HAND1: variants seen among roughly 807,000 people sequenced by gnomAD.
The protein encoded by HAND1 is heart- and neural crest derivatives-expressed protein 1.
A neutral mutation model predicts 14.5 loss-of-function variants in HAND1; 10 were observed. The ratio of observed to expected loss-of-function variants is 0.69; its 90% CI spans 0.42 to 1.17. The LOEUF (loss-of-function observed/expected upper bound fraction) is 1.17, where lower values mean the gene tolerates loss of function less well. Ranked by LOEUF, HAND1 falls within the 50% of genes most tolerant of loss-of-function variation. HAND1 has a pLI of 0.00. For synonymous variants in HAND1, 128 were observed against 127.1 expected (o/e 1.01, Z -0.05); for missense variants, 299 against 298.4 (o/e 1.00, Z -0.01).
At position 154,477,926 on chromosome 5, in the gene HAND1, A is replaced by G; in HGVS notation, c.83T>C (p.Leu28Pro). ...ATGACAGCGCGAGGCCGGACCGAAG[A>G]GGAAGGGTTCGTGGAGCATGGGGTG... ...PAHPMLHEPF[L>P]FGPASRCHQE... The change falls in exon 1 of 2, where the codon CTC becomes CCC. Residue 28 changes from leucine to proline, a missense_variant. Leu to Pro is a moderately conservative substitution (Grantham distance 98). Coordinates refer to ENST00000231121, the MANE Select transcript of HAND1 (RefSeq NM_004821.3). 5.0e-6 allele frequency: 8 copies of G among 1,599,022 alleles called. No individual in the cohort carries two copies. Among genetic ancestry groups the G allele is most frequent in the Non-Finnish European group, 6.8e-6 (8 of 1,179,878 alleles).
In HAND1 at chr5:154,478,052, G is replaced by T. The variant is rs781476191; in HGVS notation, c.-44C>A. ...CTGCGCCGCCAGCCCTATTAACGCC[G>T]CTCCATGCGCCCCAGAGACTGCCGG... On this transcript the variant is annotated 5_prime_UTR_variant, in exon 1 of 2. Transcript: ENST00000231121. This position sits in a 1 kb window ranked among gnomAD's most constrained non-coding sequence, Gnocchi z 4.5. The T allele has an allele frequency of 1.1e-5, 17 of 1,594,736 alleles. No individual in the cohort carries two copies. The highest frequency in any genetic ancestry group is 1.7e-5 in the Admixed American group (1 of 60,002).
At position 154,475,802 on chromosome 5, in the gene HAND1, C is replaced by G. The variant is rs756633155; in HGVS notation, c.*4G>C. The G allele has an allele frequency of 1.2e-6, 2 of 1,606,918 alleles. No homozygotes were observed. Among genetic ancestry groups the G allele is most frequent in the African/African-American group, 1.3e-5 (1 of 74,924 alleles). On this transcript the variant is annotated 3_prime_UTR_variant, in exon 2 of 2. Transcript: ENST00000231121. ...CTGGCCAGGTCCTCGGCGCGGGCCT[C>G]GGCTCACTGGTTTAACTCCAGCGCC...
At chr5:154,477,389 C>T in intron 1 of HAND1, 77 bp downstream of exon 1, 2 of 1,165,068 alleles carry the variant, frequency 1.7e-6, no homozygotes, top group Non-Finnish European at 2.6e-6. Flanking sequence ...ACACAGCCTC[C>T]TTCGACTACC....
rs780723638 is a variant in HAND1 at position 154,475,796 on chromosome 5, G to A, written c.*10C>T. The A allele has an allele frequency of 4.4e-6, 7 of 1,596,276 alleles. No homozygotes were observed. The Middle Eastern group carries it at 8.0e-4, about 182-fold the overall frequency. On this transcript the variant is annotated 3_prime_UTR_variant, in exon 2 of 2. Transcript: ENST00000231121. ...GCTGGCCTGGCCAGGTCCTCGGCGC[G>A]GGCCTCGGCTCACTGGTTTAACTCC...
At position 154,478,013 on chromosome 5, in the gene HAND1, G is replaced by A. The variant is rs753667174; in HGVS notation, c.-5C>T. On this transcript the variant is annotated 5_prime_UTR_variant, in exon 1 of 2. Coordinates refer to ENST00000231121, the MANE Select transcript of HAND1 (RefSeq NM_004821.3). This position sits in a 1 kb window ranked among gnomAD's most constrained non-coding sequence, Gnocchi z 4.5. ...GTAGCTGCCCACGAGGTTCATGTTG[G>A]AGCGGCTACTGGCCTGCGCCGCCAG... 3.8e-6 allele frequency: 6 copies of A among 1,597,344 alleles called. No individual in the cohort carries two copies. In the Admixed American group the frequency reaches 5.0e-5, roughly 13 times the overall value.
rs1757580375 is a variant in HAND1 at position 154,478,155 on chromosome 5, C to T, written c.-147G>A. The T allele has an allele frequency of 1.2e-6, 1 of 816,186 alleles. No individual in the cohort carries two copies. Among genetic ancestry groups the T allele is most frequent in the Admixed American group, 2.3e-5 (1 of 44,390 alleles). The allele number at this position is 816,186 out of a possible 1,614,324, so 50.6% of individuals were successfully genotyped here. ...CGGGCAAGGCTGAAAATGAGACGCG[C>T]AGCCCACTGTCTTCTTACCGGTTTC... On this transcript the variant is annotated 5_prime_UTR_variant, in exon 1 of 2. Coordinates refer to ENST00000231121, the MANE Select transcript of HAND1 (RefSeq NM_004821.3). The surrounding 1 kb of genome is among the most constrained non-coding windows in gnomAD (Gnocchi z 4.5).
rs373277337 is a variant in HAND1 at position 154,475,873 on chromosome 5, A to G, written c.581T>C (p.Val194Ala). Residue 194 changes from valine (V) to alanine (A), a missense_variant, in exon 2 of 2, where the codon GTC becomes GCC. Val to Ala is a moderately conservative substitution (Grantham distance 64). Transcript: ENST00000231121. ...HEGFPPALGPVEKRIKGRTGW... is the reference protein window; with the variant it reads ...HEGFPPALGPAEKRIKGRTGW... ...GGTGCGTCCTTTAATCCTCTTCTCG[A>G]CTGGGCCCAGGGCAGGAGGAAAACC... 6.2e-7 allele frequency: 1 copy of G among 1,613,974 alleles called. No individual in the cohort carries two copies. Among genetic ancestry groups the G allele is most frequent in the African/African-American group, 1.3e-5 (1 of 74,916 alleles).
chr5:154,478,154 G>T lies in HAND1; in HGVS notation c.-146C>A. 1 of 814,332 alleles carries T rather than the reference G, an allele frequency of 1.2e-6. No homozygotes were observed. Among genetic ancestry groups the T allele is most frequent in the Non-Finnish European group, 2.0e-6 (1 of 508,046 alleles). The allele number at this position is 814,332 out of a possible 1,614,324, so 50.4% of individuals were successfully genotyped here. A position where few individuals can be genotyped will look rare whatever the true frequency, so the allele number is the denominator to read the frequency against. Reference sequence around the variant, plus strand: ...CCGGGCAAGGCTGAAAATGAGACGCGCAGCCCACTGTCTTCTTACCGGTTT... The same window carrying T: ...CCGGGCAAGGCTGAAAATGAGACGCTCAGCCCACTGTCTTCTTACCGGTTT... On this transcript the variant is annotated 5_prime_UTR_variant, in exon 1 of 2. Transcript: ENST00000231121. This position sits in a 1 kb window ranked among gnomAD's most constrained non-coding sequence, Gnocchi z 4.5.
At chr5:154,477,300 T>A (rs1348521285) in intron 1 of HAND1, among the ~76,000 whole-genome samples, 166 bp downstream of exon 1, 1 of 152,118 alleles carries the variant, frequency 6.6e-6, no homozygotes, top group East Asian at 1.9e-4. Flanking sequence ...CGAATCTGCC[T>A]CCCTCCATGC....
chr5:154,475,616 T>C lies in HAND1; in HGVS notation c.*190A>G, dbSNP rs1481664714. 1 of 611,028 alleles carries C rather than the reference T, an allele frequency of 1.6e-6. No individual in the cohort carries two copies. The highest frequency in any genetic ancestry group is 1.9e-5 in the African/African-American group (1 of 53,846). The allele number at this position is 611,028 out of a possible 1,614,324, so 37.9% of individuals were successfully genotyped here. On this transcript the variant is annotated 3_prime_UTR_variant, in exon 2 of 2. Coordinates refer to ENST00000231121, the MANE Select transcript of HAND1 (RefSeq NM_004821.3). ...CTTTCTCTTAATGTATTAAAAAAAA[T>C]CAAAGGACATTGCACGTGCGATCCA...
At position 154,477,628 on chromosome 5, in the gene HAND1, G is replaced by T; in HGVS notation, c.381C>A (p.Asp127Glu). Residue 127 changes from aspartate to glutamate, a missense_variant, in exon 1 of 2, where the codon GAC (aspartate) becomes GAA (glutamate). Asp to Glu is a conservative substitution (Grantham distance 45). Coordinates refer to ENST00000231121, the MANE Select transcript of HAND1 (RefSeq NM_004821.3). ...GAGTCTTGATCTTGGAGAGCTTGGTGTCGGCCGGCACGTTGGGGATGCACT... is the reference window on the plus strand; with the variant it reads ...GAGTCTTGATCTTGGAGAGCTTGGTTTCGGCCGGCACGTTGGGGATGCACT... Reference protein sequence around the residue: ...LRECIPNVPADTKLSKIKTLR... With the variant: ...LRECIPNVPAETKLSKIKTLR... 6.2e-7 allele frequency: 1 copy of T among 1,614,270 alleles called. No individual in the cohort carries two copies. The highest frequency in any genetic ancestry group is 8.5e-7 in the Non-Finnish European group (1 of 1,180,044).
chr5:154,478,126 A>G lies in HAND1; in HGVS notation c.-118T>C. 3 of 1,121,186 alleles carry G rather than the reference A, an allele frequency of 2.7e-6. No homozygotes were observed. The highest frequency in any genetic ancestry group is 2.0e-5 in the Admixed American group (1 of 51,016). The allele number at this position is 1,121,186 out of a possible 1,614,324, so 69.5% of individuals were successfully genotyped here. On this transcript the variant is annotated 5_prime_UTR_variant, in exon 1 of 2. Coordinates refer to ENST00000231121, the MANE Select transcript of HAND1 (RefSeq NM_004821.3). This position sits in a 1 kb window ranked among gnomAD's most constrained non-coding sequence, Gnocchi z 4.5. ...CACTACTGGGCGCCGGCTTTGGGAG[A>G]GTCCGGGCAAGGCTGAAAATGAGAC...
At chr5:154,477,395 C>T in intron 1 of HAND1, 71 bp downstream of exon 1, 1 of 1,213,386 alleles carries the variant, frequency 8.2e-7, no homozygotes, top group Non-Finnish European at 1.2e-6. Context: ...CCTCCTTCGA[C>T]TACCTGCATG....
rs1201471420 is a variant in HAND1, at chr5:154,477,529, C to T, written c.480G>A (p.Glu160=). The T allele has an allele frequency of 6.8e-6, 11 of 1,614,086 alleles. No individual in the cohort carries two copies. The highest frequency in any genetic ancestry group is 9.3e-6 in the Non-Finnish European group (11 of 1,180,044). Residue 160 remains glutamate, a synonymous_variant, in exon 1 of 2, where the codon GAG becomes GAA. Coordinates refer to ENST00000231121, the MANE Select transcript of HAND1 (RefSeq NM_004821.3). ...CCTTCTTGAGTTCAGCCTTGAAGGC[C>T]TCGGGATCGCCAGACTGTGCATCCT... ...LAKDAQSGDP[E]AFKAELKKAD...
intron 1 of HAND1, among the ~76,000 whole-genome samples, chr5:154,476,442 C>T (rs1201791860): frequency 2.6e-5 from 4 of 152,166 alleles, no homozygotes; most frequent in Admixed American, 2.0e-4. Context: ...CCAAGCGGTG[C>T]TACTTGAAGG....
Position 154,477,333 on chromosome 5 carries a change from A to G in HAND1, c.543+133T>C, listed in dbSNP as rs1418592628. The G allele has an allele frequency of 4.0e-6, 3 of 746,918 alleles. No homozygotes were observed. In the African/African-American group the frequency reaches 5.2e-5, roughly 13 times the overall value. 46.3% of individuals were successfully genotyped at this position (746,918 alleles called of 1,614,324 possible). ...TGCACAGGATCGCACGCTGTGACCA[A>G]CCATCTCAGAACTCTTCCCAACCTT... On this transcript the variant is annotated intron_variant, in intron 1 of 1. Coordinates refer to ENST00000231121, the MANE Select transcript of HAND1 (RefSeq NM_004821.3).
At chr5:154,476,182 C>G (rs377227398) in intron 1 of HAND1, among the ~76,000 whole-genome samples, 15 of 152,038 alleles carry the variant, frequency 9.9e-5, no homozygotes, top group African/African-American at 3.6e-4. Flanking sequence ...GAAACTGACG[C>G]GCGTTGATTT....
rs1354473345 is a variant in HAND1, at chr5:154,478,005, T to C, written c.4A>G (p.Asn2Asp). The C allele has an allele frequency of 2.3e-5, 37 of 1,597,550 alleles. No homozygotes were observed. The highest frequency in any genetic ancestry group is 3.1e-5 in the Non-Finnish European group (37 of 1,179,854). Residue 2 changes from asparagine to aspartate, a missense_variant, in exon 1 of 2, where the codon AAC becomes GAC. Transcript: ENST00000231121. This position sits in a 1 kb window ranked among gnomAD's most constrained non-coding sequence, Gnocchi z 4.5. Reference protein sequence around the residue: MNLVGSYAHHHH... With the variant: MDLVGSYAHHHH... The stretch of plus-strand genomic sequence containing the variant: ...TGGTGTGCGTAGCTGCCCACGAGGT[T>C]CATGTTGGAGCGGCTACTGGCCTGC...
intron 1 of HAND1, 101 bp downstream of exon 1, chr5:154,477,365 T>A: frequency 1.1e-6 from 1 of 950,066 alleles, no homozygotes. Context: ...CCTTTCCAAA[T>A]CGGACACAGG....
Sources: allele counts gnomAD v4.1 joint callset (sites outside exome capture counted in the v4.1 genomes callset), GRCh38; gene constraint gnomAD v4.1.1; non-coding constraint Gnocchi (gnomAD v3.1); transcripts MANE v1.5; gene names NCBI Gene and HGNC (gene_info 2026-07-23, HGNC 2026-07-21).